Variants in HS6ST3 observed in about 807,000 individuals in gnomAD.
HS6ST3 encodes the protein heparan-sulfate 6-O-sulfotransferase 3.
In HS6ST3, 12 loss-of-function variants were observed where a neutral mutation model predicts 36.7. That is an observed-to-expected ratio of 0.33 (90% CI 0.21 to 0.53). The LOEUF (loss-of-function observed/expected upper bound fraction) is 0.53. Ranked by LOEUF, HS6ST3 falls within the 20% of genes least tolerant of loss-of-function variation. The pLI, the probability that HS6ST3 is intolerant of heterozygous loss-of-function variation, is 0.95. For missense variants in HS6ST3, 584 were observed against 640.9 expected (o/e 0.91, Z 0.96); for synonymous variants, 240 against 257.5 (o/e 0.93, Z 0.65).
At chr13:96,336,680 T>C (rs1305867776) in intron 1 of HS6ST3, among the ~76,000 whole-genome samples, 1 of 152,182 alleles carries the variant, frequency 6.6e-6, no homozygotes, top group African/African-American at 2.4e-5. Context: ...TCCAGATCTG[T>C]AAGGAAATAA....
chr13:96,276,276 C>A (rs917056790), intron 1 of HS6ST3, among the ~76,000 whole-genome samples: 20 of 152,156 alleles, frequency 1.3e-4, no homozygotes, highest in Admixed American at 8.5e-4. Context: ...GTCTTCTGTT[C>A]TGTGGAACTG....
At chr13:96,661,767 C>T (rs1453167842) in intron 1 of HS6ST3, among the ~76,000 whole-genome samples, 8 of 152,100 alleles carry the variant, frequency 5.3e-5, no homozygotes, top group Non-Finnish European at 1.2e-4. Context: ...ATGCCTATGG[C>T]ATTCCTTGTG....
chr13:96,498,928 A>G (rs1033745268), intron 1 of HS6ST3, among the ~76,000 whole-genome samples: 3 of 152,242 alleles, frequency 2.0e-5, no homozygotes, highest in African/African-American at 4.8e-5. Flanking sequence ...AATATGTTAA[A>G]TAAGATTTCT....
At chr13:96,810,136 G>A (rs531761857) in intron 1 of HS6ST3, among the ~76,000 whole-genome samples, 7 of 152,268 alleles carry the variant, frequency 4.6e-5, no homozygotes, top group East Asian at 1.9e-4. Context: ...CCCAGAGGCC[G>A]CTGTGAGGCA....
intron 1 of HS6ST3, among the ~76,000 whole-genome samples, chr13:96,206,063 C>T (rs916735236): frequency 6.6e-6 from 1 of 151,986 alleles, no homozygotes; most frequent in African/African-American, 2.4e-5. Context: ...TCTAGAAAAC[C>T]CCATCATCTC....
intron 1 of HS6ST3, among the ~76,000 whole-genome samples, chr13:96,817,447 G>T (rs1356716619): frequency 6.6e-6 from 1 of 152,114 alleles, no homozygotes; most frequent in Non-Finnish European, 1.5e-5. Context: ...GCTTGTCTCT[G>T]TAATATACAT....
chr13:96,230,877 A>G lies in HS6ST3; in HGVS notation c.707+139308A>G, dbSNP rs771466732. Among the ~76,000 whole-genome samples the G allele has an allele frequency of 5.9e-4, 90 of 152,132 alleles. 1 individual carries two copies. The highest frequency in any genetic ancestry group is 2.2e-4 in the Non-Finnish European group (15 of 68,022). On this transcript the variant is annotated intron_variant, in intron 1 of 1. Transcript: ENST00000376705. ...AGGGTCCTGAAAATGTTAGGATCCA[A>G]ATGATTAACTTGGATAGGAATGGAA...
intron 1 of HS6ST3, among the ~76,000 whole-genome samples, chr13:96,623,334 G>A (rs2056501427): frequency 6.6e-6 from 1 of 152,134 alleles, no homozygotes; most frequent in Non-Finnish European, 1.5e-5. Flanking sequence ...GGGGCACTGG[G>A]CAGGGACAGA....
Position 96,554,185 on chromosome 13 carries a change from G to A in HS6ST3, c.708-278305G>A, listed in dbSNP as rs149498321. 1.8e-3 allele frequency among the ~76,000 whole-genome samples: 272 copies of A among 152,196 alleles called. 3 individuals are homozygous for A. The highest frequency in any genetic ancestry group is 6.2e-3 in the African/African-American group (256 of 41,542). ...ACCTTGGCTTTCATATTAATTTAAG[G>A]CACAGAAGGAAAACAAGGAGCAATA... On this transcript the variant is annotated intron_variant, in intron 1 of 1. Transcript: ENST00000376705.
At chr13:96,754,474 T>A (rs1346195936) in intron 1 of HS6ST3, among the ~76,000 whole-genome samples, 1 of 152,212 alleles carries the variant, frequency 6.6e-6, no homozygotes, top group Non-Finnish European at 1.5e-5. Flanking sequence ...TTATCCTTTC[T>A]TACACGGACT....
intron 1 of HS6ST3, among the ~76,000 whole-genome samples, chr13:96,315,952 T>C (rs1382226997): frequency 1.3e-5 from 2 of 152,178 alleles, no homozygotes; most frequent in East Asian, 3.9e-4. Context: ...AAGCCAGATA[T>C]ACCTCAGCAC....
chr13:96,269,277 A>G (rs913969103), intron 1 of HS6ST3, among the ~76,000 whole-genome samples: 1 of 152,040 alleles, frequency 6.6e-6, no homozygotes. Context: ...ATGTATATTT[A>G]AAAATGAAAT....
At chr13:96,544,819 G>A (rs756792407) in intron 1 of HS6ST3, among the ~76,000 whole-genome samples, 4 of 152,146 alleles carry the variant, frequency 2.6e-5, no homozygotes, top group Admixed American at 1.3e-4. Flanking sequence ...GGAAGGCTCA[G>A]TAATTACCAG....
chr13:96,545,382 T>G (rs915088853), intron 1 of HS6ST3, among the ~76,000 whole-genome samples: 11 of 152,184 alleles, frequency 7.2e-5, no homozygotes, highest in African/African-American at 2.4e-4. Context: ...CACTGGCATA[T>G]TTGCTATTTT....
At chr13:96,794,363 A>G (rs1877861365) in intron 1 of HS6ST3, among the ~76,000 whole-genome samples, 1 of 152,098 alleles carries the variant, frequency 6.6e-6, no homozygotes, top group African/African-American at 2.4e-5. Flanking sequence ...TTAGGAAACT[A>G]TGTAATAAAA....
chr13:96,481,461 G>C (rs1047842242), intron 1 of HS6ST3, among the ~76,000 whole-genome samples: 4 of 152,090 alleles, frequency 2.6e-5, no homozygotes, highest in African/African-American at 9.7e-5. Flanking sequence ...ATTAAGAGTA[G>C]AAAAACAAGA....
intron 1 of HS6ST3, among the ~76,000 whole-genome samples, chr13:96,724,054 A>G (rs1379948279): frequency 6.6e-6 from 1 of 152,030 alleles, no homozygotes; most frequent in Non-Finnish European, 1.5e-5. Context: ...TCTTGGGATC[A>G]TATTCTTCGT....
intron 1 of HS6ST3, among the ~76,000 whole-genome samples, chr13:96,110,620 TA>T (rs1329156391): frequency 2.6e-5 from 4 of 151,960 alleles, no homozygotes; most frequent in African/African-American, 9.6e-5. Context: ...GTATTTTTAG[TA>T]GAGATGGGGT....
intron 1 of HS6ST3, among the ~76,000 whole-genome samples, chr13:96,203,148 C>A (rs969351241): frequency 3.3e-5 from 5 of 152,180 alleles, no homozygotes; most frequent in African/African-American, 4.8e-5. Flanking sequence ...ATAAACACGG[C>A]CCTACTCCGT....
Sources: gnomAD v4.1 joint callset for allele counts (sites outside exome capture counted in the v4.1 genomes callset) on GRCh38, gnomAD v4.1.1 for gene constraint, MANE v1.5 for transcripts, NCBI Gene and HGNC (gene_info 2026-07-23, HGNC 2026-07-21) for gene names.